Variants in TEP1 observed in about 807,000 individuals in gnomAD.
TEP1 encodes the protein telomerase protein component 1.
In TEP1, 241 loss-of-function variants were observed where a neutral mutation model predicts 306.3. The ratio of observed to expected loss-of-function variants is 0.79; its 90% confidence interval spans 0.71 to 0.88. The LOEUF (loss-of-function observed/expected upper bound fraction) is 0.88. Among genes scored for constraint, TEP1 ranks in the 40% least tolerant of loss-of-function variants. The pLI is 0.00. For missense variants in TEP1, 3,051 were observed against 3,276.1 expected (o/e 0.93, Z 1.68); for synonymous variants, 1,289 against 1,305.5 (o/e 0.99, Z 0.27).
rs1884535479 is a variant in TEP1 at position 20,367,386 on chromosome 14, GT to G, written c.*1050del. ...TCAAAAACAAAAAAAAAAAAAAAAG[GT>G]TTTTTACTTAAGAAAATCAGAGTTC... On this transcript the variant is annotated 3_prime_UTR_variant, in exon 55 of 55. Coordinates refer to ENST00000262715, the MANE Select transcript of TEP1 (RefSeq NM_007110.5). 1 of 142,820 alleles carries G rather than the reference GT, an allele frequency of 7.0e-6. No homozygotes were observed. The highest frequency in any genetic ancestry group is 1.5e-5 in the Non-Finnish European group (1 of 65,292). 8.8% of individuals were successfully genotyped at this position (142,820 alleles called of 1,614,324 possible).
Position 20,408,518 on chromosome 14 carries a change from G to A in TEP1, c.-24-55C>T. On this transcript the variant is annotated intron_variant, in intron 1 of 54. Coordinates refer to ENST00000262715, the MANE Select transcript of TEP1 (RefSeq NM_007110.5). ...ACCTGGCTGCACTGAGCGTGTATTT[G>A]CATGAGAGCATATCTTCCCCACAGC... 3 of 1,357,010 alleles carry A rather than the reference G, an allele frequency of 2.2e-6. No homozygotes were observed. The Admixed American group carries it at 6.5e-5, about 30-fold the overall frequency. The allele number at this position is 1,357,010 out of a possible 1,614,324, so 84.1% of individuals were successfully genotyped here.
intron 15 of TEP1, 106 bp from the exon 16 acceptor site, chr14:20,389,846 G>A: frequency 2.1e-6 from 3 of 1,436,342 alleles, no homozygotes; most frequent in East Asian, 2.3e-5. Context: ...ACTCTGAGAG[G>A]AGTACCTCTC....
At chr14:20,401,608 G>A (rs1220171730) in intron 7 of TEP1, 27 bp from the exon 8 acceptor site, 2 of 1,612,946 alleles carry the variant, frequency 1.2e-6, no homozygotes, top group African/African-American at 1.3e-5. Flanking sequence ...AAGTCCCACA[G>A]GGGTCCTTTC....
intron 12 of TEP1, 52 bp downstream of exon 12, chr14:20,395,398 G>C: frequency 1.3e-6 from 2 of 1,498,718 alleles, no homozygotes; most frequent in Non-Finnish European, 1.8e-6. Context: ...TCCAACCTGT[G>C]CCAGGGTAGC....
intron 41 of TEP1, among the ~76,000 whole-genome samples, chr14:20,376,671 C>G (rs1338477357): frequency 6.6e-6 from 1 of 152,224 alleles, no homozygotes; most frequent in African/African-American, 2.4e-5. Flanking sequence ...CAACATCTCT[C>G]TCTCTCCTTC....
intron 28 of TEP1, 92 bp downstream of exon 28, chr14:20,382,531 G>C (rs1232667536): frequency 9.7e-6 from 15 of 1,553,300 alleles, no homozygotes; most frequent in Non-Finnish European, 1.3e-5. Context: ...GTGATCACAA[G>C]ACAGCAAAGG....
rs374437732 is a variant in TEP1, at chr14:20,373,043, A to G, written c.6919T>C (p.Trp2307Arg). Residue 2307 changes from tryptophan (W) to arginine (R), a missense_variant, in exon 48 of 55, where the codon TGG becomes CGG. Trp to Arg is a moderately radical substitution (Grantham distance 101, BLOSUM62 -3). Coordinates refer to ENST00000262715, the MANE Select transcript of TEP1 (RefSeq NM_007110.5). ...GTGGCCACAGCCTTAGCTTCCTGCC[A>G]CAAGATTAGTTCCCCAGCTTGATTT... ...SGNQAGELILWQEAKAVATAQ... is the reference protein window; with the variant it reads ...SGNQAGELILRQEAKAVATAQ... The G allele has an allele frequency of 6.2e-7, 1 of 1,614,220 alleles. No individual in the cohort carries two copies. Among genetic ancestry groups the G allele is most frequent in the Non-Finnish European group, 8.5e-7 (1 of 1,180,038 alleles).
rs1876486766 is a variant in TEP1, at chr14:20,381,140, G to A, written c.4648-95C>T. The A allele has an allele frequency of 3.2e-6, 4 of 1,257,140 alleles. No individual in the cohort carries two copies. Among genetic ancestry groups the A allele is most frequent in the Non-Finnish European group, 4.7e-6 (4 of 858,838 alleles). 77.9% of individuals were successfully genotyped at this position (1,257,140 alleles called of 1,614,324 possible). Reference sequence around the variant, plus strand: ...ACCTGGATACAGAGATAGGATCTGAGCTGGGACAAAGGACTTGAAGAAGAA... The same window carrying A: ...ACCTGGATACAGAGATAGGATCTGAACTGGGACAAAGGACTTGAAGAAGAA... On this transcript the variant is annotated intron_variant, in intron 32 of 54. Transcript: ENST00000262715. This position sits in a 1 kb window ranked among gnomAD's most constrained non-coding sequence, Gnocchi z 4.0.
chr14:20,411,731 T>C (rs1260475852), intron 1 of TEP1, among the ~76,000 whole-genome samples: 1 of 152,148 alleles, frequency 6.6e-6, no homozygotes, highest in African/African-American at 2.4e-5. Context: ...AGAGTGTCTA[T>C]GAAGCCCATT....
chr14:20,368,715 T>G, intron 54 of TEP1, 83 bp downstream of exon 54: 1 of 1,537,984 alleles, frequency 6.5e-7, no homozygotes, highest in East Asian at 2.3e-5. Context: ...TTTCTTACTC[T>G]AAGTTTGCTG....
At chr14:20,386,390 T>TCCACCACTCAAGCCCCTCATCC in intron 19 of TEP1, 57 bp downstream of exon 19, 5 of 1,575,404 alleles carry the variant, frequency 3.2e-6, no homozygotes, top group Non-Finnish European at 4.3e-6. Flanking sequence ...CCACCTCAGG[T>TCCACCACTCAAGCCCCTCATCC]CCACCACTCA....
chr14:20,373,139 A>C lies in TEP1; in HGVS notation c.6823T>G (p.Cys2275Gly). The change falls in exon 48 of 55, where the codon TGT (cysteine) becomes GGT (glycine). Residue 2275 changes from cysteine to glycine, a missense_variant. Cys to Gly is a radical substitution (Grantham distance 159, BLOSUM62 -3). This residue lies in a region of TEP1 where 1,540 missense variants were observed against 1,705.9 expected (regional missense o/e 0.90). Coordinates refer to ENST00000262715, the MANE Select transcript of TEP1 (RefSeq NM_007110.5). The part of the protein sequence containing the change: ...WQVPKEADDT[C>G]IPRSSAAVTA... ...ACGGCTGCAGAACTCCTTGGTATAC[A>C]TGTGTCATCTGGAGGAGAAAGGACG... 1 of 1,614,192 alleles carries C rather than the reference A, an allele frequency of 6.2e-7. No homozygotes were observed. The highest frequency in any genetic ancestry group is 8.5e-7 in the Non-Finnish European group (1 of 1,180,042).
chr14:20,404,588 G>C (rs1170454900), intron 5 of TEP1, 23 bp downstream of exon 5: 2 of 1,602,322 alleles, frequency 1.2e-6, no homozygotes, highest in African/African-American at 1.3e-5. Flanking sequence ...GAAGGCCCAA[G>C]CTCAGGGAAA....
chr14:20,394,641 G>A (rs978656480), intron 12 of TEP1, among the ~76,000 whole-genome samples: 3 of 152,046 alleles, frequency 2.0e-5, no homozygotes, highest in South Asian at 4.2e-4. Flanking sequence ...CACCACACCC[G>A]GCTAATTTTT....
In TEP1 at chr14:20,368,206, A is replaced by G; in HGVS notation, c.*231T>C. Reference sequence around the variant, plus strand: ...TTTCTTGTGGTTCTAGTAAGGATTAATGTTGAATAAGAAGAGACACACATT... The same window carrying G: ...TTTCTTGTGGTTCTAGTAAGGATTAGTGTTGAATAAGAAGAGACACACATT... On this transcript the variant is annotated 3_prime_UTR_variant, in exon 55 of 55. Coordinates refer to ENST00000262715, the MANE Select transcript of TEP1 (RefSeq NM_007110.5). 2.7e-6 allele frequency: 1 copy of G among 373,544 alleles called. No homozygotes were observed. Among genetic ancestry groups the G allele is most frequent in the Non-Finnish European group, 4.7e-6 (1 of 210,654 alleles). The allele number at this position is 373,544 out of a possible 1,614,324, so 23.1% of individuals were successfully genotyped here. A position where few individuals can be genotyped will look rare whatever the true frequency, so the allele number is the denominator to read the frequency against.
intron 12 of TEP1, among the ~76,000 whole-genome samples, chr14:20,394,666 CA>C (rs1232074001): frequency 1.3e-5 from 2 of 151,842 alleles, no homozygotes; most frequent in Admixed American, 6.6e-5. Flanking sequence ...TTTTAGTAGA[CA>C]GGGGGTTTCA....
chr14:20,401,974 G>A lies in TEP1; in HGVS notation c.1267-393C>T, dbSNP rs533558672. ...AAACGAGCACAATGCAGGCTACGAG[G>A]AGTTTAAAAACTAAAAGTAGGCAGG... On this transcript the variant is annotated intron_variant, in intron 7 of 54. Transcript: ENST00000262715. Among the ~76,000 whole-genome samples the A allele has an allele frequency of 3.9e-5, 6 of 152,294 alleles. No homozygotes were observed. In the South Asian group the frequency reaches 1.2e-3, roughly 32 times the overall value.
Position 20,382,324 on chromosome 14 carries a change from A to T in TEP1, c.4173T>A (p.Thr1391=), listed in dbSNP as rs1225939188. ...GGATGTGCTGCAGCAGCAGGGGGAC[A>T]GTGGCAGGCAGGGTCCGGAGTCTCT... is the stretch of plus-strand genomic sequence containing the variant. ...VSERLRTLPA[T]VPLLLQHILS... Residue 1391 remains threonine (T), a synonymous_variant, in exon 29 of 55, where the codon ACT becomes ACA. Coordinates refer to ENST00000262715, the MANE Select transcript of TEP1 (RefSeq NM_007110.5). 3 of 1,613,260 alleles carry T rather than the reference A, an allele frequency of 1.9e-6. No homozygotes were observed. Among genetic ancestry groups the T allele is most frequent in the Non-Finnish European group, 2.5e-6 (3 of 1,179,556 alleles).
rs1566464836 is a variant in TEP1, at chr14:20,389,316, GTCATTAACCA to G, written c.2466-29_2466-20del. ...TGTTGACCTGGCAAAGGAAGAAGCA[GTCATTAACCA>G]TCACAAACAATACCTGGAACACAGT... On this transcript the variant is annotated intron_variant, in intron 16 of 54. Coordinates refer to ENST00000262715, the MANE Select transcript of TEP1 (RefSeq NM_007110.5). 1 of 1,613,882 alleles carries G rather than the reference GTCATTAACCA, an allele frequency of 6.2e-7. No individual in the cohort carries two copies. The highest frequency in any genetic ancestry group is 2.2e-5 in the East Asian group (1 of 44,888).
Sources: gnomAD v4.1 joint callset for allele counts (sites outside exome capture counted in the v4.1 genomes callset) on GRCh38, gnomAD v4.1.1 for gene constraint, gnomAD v4.1.1 regional missense constraint, Gnocchi (gnomAD v3.1) non-coding constraint, MANE v1.5 for transcripts, NCBI Gene and HGNC (gene_info 2026-07-23, HGNC 2026-07-21) for gene names.